The following ERP27 variants were observed in gnomAD, a reference collection of about 807,000 sequenced individuals.
The protein encoded by ERP27 is endoplasmic reticulum resident protein 27.
ERP27 carries 23 observed loss-of-function variants against 27.7 expected under a neutral mutation model. The ratio of observed to expected loss-of-function variants is 0.83; its 90% CI spans 0.60 to 1.18. The LOEUF (loss-of-function observed/expected upper bound fraction) is 1.18. ERP27 is among the 50% of genes most tolerant of loss of function. The pLI, the probability that ERP27 is intolerant of heterozygous loss-of-function variation, is 0.00. For missense variants in ERP27, 363 were observed against 327.9 expected (o/e 1.11, Z -0.83); for synonymous variants, 159 against 118.3 (o/e 1.34, Z -2.23).
chr12:14,923,492 A>AATCTATCTATCTATCTATCT (rs61662382), intron 3 of ERP27, among the ~76,000 whole-genome samples: 5 of 141,160 alleles, frequency 3.5e-5, no homozygotes, highest in Non-Finnish European at 7.7e-5. Context: ...ATCTATAATC[A>AATCTATCTATCTATCTATCT]ATCTATCTAT....
At chr12:14,930,065 T>C (rs1186641528) in intron 3 of ERP27, among the ~76,000 whole-genome samples, 2 of 152,050 alleles carry the variant, frequency 1.3e-5, no homozygotes, top group East Asian at 3.9e-4. Flanking sequence ...AGCTAATGCA[T>C]GCGGGGCTTA....
intron 3 of ERP27, among the ~76,000 whole-genome samples, chr12:14,928,766 G>GA (rs1218355179): frequency 6.6e-6 from 1 of 152,050 alleles, no homozygotes; most frequent in East Asian, 1.9e-4. Context: ...GAAAGCTTGG[G>GA]AAAAAACAAA....
At chr12:14,920,098 C>G (rs192628797) in intron 4 of ERP27, among the ~76,000 whole-genome samples, 1 of 152,156 alleles carries the variant, frequency 6.6e-6, no homozygotes, top group East Asian at 1.9e-4. Flanking sequence ...AAATTAATAC[C>G]CTGTAAGGTT....
intron 4 of ERP27, among the ~76,000 whole-genome samples, chr12:14,920,066 T>A (rs1863476718): frequency 2.0e-5 from 3 of 152,224 alleles, no homozygotes. Context: ...GTACAGCATT[T>A]TGAGCTGATG....
intron 3 of ERP27, among the ~76,000 whole-genome samples, chr12:14,928,498 A>T (rs888342049): frequency 6.6e-6 from 1 of 152,156 alleles, no homozygotes; most frequent in Non-Finnish European, 1.5e-5. Flanking sequence ...CTTCCAATCC[A>T]TTTGTTTCAT....
intron 3 of ERP27, among the ~76,000 whole-genome samples, chr12:14,927,229 G>A (rs534443597): frequency 3.5e-4 from 53 of 152,036 alleles, no homozygotes; most frequent in Non-Finnish European, 6.3e-4. Context: ...AGTTTTAGAT[G>A]TACTATGGCA....
chr12:14,935,038 G>C, intron 2 of ERP27, 45 bp from the exon 3 acceptor site: 1 of 1,593,432 alleles, frequency 6.3e-7, no homozygotes, highest in East Asian at 2.3e-5. Flanking sequence ...TATTTCGAAG[G>C]GCAGAGACAA....
chr12:14,917,512 C>G (rs150887488), intron 4 of ERP27, among the ~76,000 whole-genome samples: 14 of 136,496 alleles, frequency 1.0e-4, no homozygotes, highest in African/African-American at 3.8e-4. Context: ...CTGAATGGGG[C>G]AGAACTGAGT....
rs567541513 is a variant in ERP27, at chr12:14,934,960, T to C, written c.229A>G (p.Ser77Gly). 1 of 1,614,098 alleles carries C rather than the reference T, an allele frequency of 6.2e-7. No individual in the cohort carries two copies. Among genetic ancestry groups the C allele is most frequent in the Non-Finnish European group, 8.5e-7 (1 of 1,180,002 alleles). ...LEIPAVPILHSMVQKFPGVSF... is the reference protein window; with the variant it reads ...LEIPAVPILHGMVQKFPGVSF... The stretch of plus-strand genomic sequence containing the variant: ...ACGCCTGGGAATTTTTGCACCATGC[T>C]ATGGAGTATGGGCACTGCTGGTATT... The change falls in exon 3 of 7, where the codon AGC (serine) becomes GGC (glycine). Residue 77 changes from serine (S) to glycine (G), a missense_variant. Physicochemically the swap from Ser to Gly is moderately conservative, Grantham distance 56 (BLOSUM62 0). Coordinates refer to ENST00000266397, the MANE Select transcript of ERP27 (RefSeq NM_152321.4).
At chr12:14,919,272 T>TGC (rs1863461651) in intron 4 of ERP27, among the ~76,000 whole-genome samples, 1 of 152,234 alleles carries the variant, frequency 6.6e-6, no homozygotes, top group Non-Finnish European at 1.5e-5. Context: ...CTGAATTTTC[T>TGC]CTTGATATAA....
chr12:14,926,271 GTCT>G (rs1396052736), intron 3 of ERP27, among the ~76,000 whole-genome samples: 2 of 152,040 alleles, frequency 1.3e-5, no homozygotes, highest in East Asian at 3.8e-4. Context: ...TTGCCTAAAA[GTCT>G]ACTTTGTTTG....
At chr12:14,920,803 A>ATCCTTCCT (rs1863489784) in intron 4 of ERP27, 129 bp downstream of exon 4, 4 of 681,324 alleles carry the variant, frequency 5.9e-6, no homozygotes, top group Non-Finnish European at 1.0e-5. Flanking sequence ...GAAGGATAGT[A>ATCCTTCCT]ACATAAACAA....
intron 3 of ERP27, among the ~76,000 whole-genome samples, chr12:14,932,129 G>A (rs532477024): frequency 6.6e-6 from 1 of 152,246 alleles, no homozygotes; most frequent in African/African-American, 2.4e-5. Flanking sequence ...TGCCAGAGGT[G>A]TATTATAGCC....
intron 3 of ERP27, among the ~76,000 whole-genome samples, chr12:14,926,595 T>C (rs1445029642): frequency 1.3e-5 from 2 of 152,220 alleles, no homozygotes; most frequent in South Asian, 2.1e-4. Context: ...AGGCTTTAAT[T>C]ATTCTCTCAG....
intron 3 of ERP27, among the ~76,000 whole-genome samples, chr12:14,922,989 A>G (rs965241776): frequency 6.6e-6 from 1 of 151,670 alleles, no homozygotes; most frequent in African/African-American, 2.4e-5. Context: ...GAATCACTTG[A>G]ACCCAGAAGG....
chr12:14,915,669 C>T lies in ERP27; in HGVS notation c.594G>A (p.Val198=). Reference sequence around the variant, plus strand: ...TCCCATTTTCTTTCATACCACTGTCCACCAGAATAAAGAGAATCTGCAGTT... The same window carrying T: ...TCCCATTTTCTTTCATACCACTGTCTACCAGAATAAAGAGAATCTGCAGTT... ...LFQGKILFIL[V]DSGMKENGKV... Residue 198 remains valine, a synonymous_variant, in exon 6 of 7, where the codon GTG becomes GTA. Transcript: ENST00000266397. The T allele has an allele frequency of 6.2e-7, 1 of 1,613,788 alleles. No individual in the cohort carries two copies. Among genetic ancestry groups the T allele is most frequent in the Non-Finnish European group, 8.5e-7 (1 of 1,179,714 alleles).
intron 3 of ERP27, chr12:14,928,903 T>A (rs1863653638): frequency 1.2e-5 from 19 of 1,523,698 alleles, no homozygotes; most frequent in East Asian, 2.4e-5. Context: ...CACAAAAAAA[T>A]AATATTTGCA....
rs1461077014 is a variant in ERP27 at position 14,935,006 on chromosome 12, G to A, written c.196-13C>T. On this transcript the variant is annotated splice_polypyrimidine_tract_variant and intron_variant, in intron 2 of 6. Coordinates refer to ENST00000266397, the MANE Select transcript of ERP27 (RefSeq NM_152321.4). The stretch of plus-strand genomic sequence containing the variant: ...GTATTTCTAAATCCTAAAAACAAGA[G>A]AAAAAATAATACCACAGTGGTTATT... 1 of 1,611,466 alleles carries A rather than the reference G, an allele frequency of 6.2e-7. No individual in the cohort carries two copies. Among genetic ancestry groups the A allele is most frequent in the Non-Finnish European group, 8.5e-7 (1 of 1,178,930 alleles).
intron 3 of ERP27, among the ~76,000 whole-genome samples, chr12:14,930,651 A>C (rs7975204): frequency 0.04 from 6,044 of 152,252 alleles, 352 homozygotes; most frequent in African/African-American, 0.12. Context: ...ATTTTACCTA[A>C]ATTCTTCCTG....
Sources: allele counts gnomAD v4.1 joint callset (sites outside exome capture counted in the v4.1 genomes callset), GRCh38; gene constraint gnomAD v4.1.1; transcripts MANE v1.5; gene names NCBI Gene and HGNC (gene_info 2026-07-23, HGNC 2026-07-21).